Variants in LGALS14 observed in about 807,000 individuals in gnomAD.
LGALS14 encodes the protein placental protein 13-like.
Under a neutral mutation model 14.6 loss-of-function variants are expected in LGALS14, and 14 were observed. The ratio of observed to expected loss-of-function variants is 0.96; its 90% CI spans 0.64 to 1.50. LGALS14 has a LOEUF of 1.50. Ranked by LOEUF, LGALS14 falls within the 40% of genes most tolerant of loss-of-function variation. The probability of loss-of-function intolerance (pLI) is 0.00; values close to 1 mark genes in which losing one functional copy is unlikely to be tolerated. For missense variants in LGALS14, 180 were observed against 172.0 expected, an observed-to-expected ratio of 1.05 and a Z score of -0.26; for synonymous variants, 57 against 63.9, an observed-to-expected ratio of 0.89 and a Z score of 0.51.
At chr19:39,708,526 T>G (rs1247674002) in intron 3 of LGALS14, among the ~76,000 whole-genome samples, 1 of 152,166 alleles carries the variant, frequency 6.6e-6, no homozygotes, top group Non-Finnish European at 1.5e-5. Flanking sequence ...ACTAAGAAGG[T>G]GACTTTCTCT....
At chr19:39,705,167 G>A (rs760317981) in intron 1 of LGALS14, among the ~76,000 whole-genome samples, 74 of 152,302 alleles carry the variant, frequency 4.9e-4, no homozygotes, top group Non-Finnish European at 7.3e-4. Context: ...CTTGGGGATT[G>A]TGAGTTACCA....
chr19:39,704,584 A>G, intron 1 of LGALS14, 41 bp downstream of exon 1: 4 of 1,605,000 alleles, frequency 2.5e-6, no homozygotes, highest in Non-Finnish European at 3.4e-6. Flanking sequence ...CTCAAGTCAC[A>G]TAAACCAAGA....
At chr19:39,706,524 C>T (rs1445931227) in intron 1 of LGALS14, 73 bp from the exon 2 acceptor site, 8 of 1,097,864 alleles carry the variant, frequency 7.3e-6, no homozygotes, top group Admixed American at 5.2e-5. Context: ...ACCTCCTGCA[C>T]CATGGGAATC....
At chr19:39,708,558 T>C (rs1181486152) in intron 3 of LGALS14, among the ~76,000 whole-genome samples, 2 of 152,250 alleles carry the variant, frequency 1.3e-5, no homozygotes, top group East Asian at 3.8e-4. Context: ...ATAAGGAATA[T>C]ATCCATAGTT....
intron 3 of LGALS14, among the ~76,000 whole-genome samples, chr19:39,707,775 T>C (rs560368643): frequency 6.6e-6 from 1 of 152,338 alleles, no homozygotes; most frequent in South Asian, 2.1e-4. Flanking sequence ...AGAACACCAT[T>C]ACTAGAGTTC....
At chr19:39,707,055 A>C in intron 2 of LGALS14, 123 bp from the exon 3 acceptor site, 5 of 731,598 alleles carry the variant, frequency 6.8e-6, no homozygotes, top group Non-Finnish European at 9.7e-6. Context: ...AGGGACCAGG[A>C]CTGCAGTATC....
Position 39,704,506 on chromosome 19 carries a change from GA to G in LGALS14, c.-22del, listed in dbSNP as rs1237781375. On this transcript the variant is annotated 5_prime_UTR_variant, in exon 1 of 4. Coordinates refer to ENST00000392052, the MANE Select transcript of LGALS14 (RefSeq NM_020129.3). ...ACAGAAGACTGGACACAATTCCGAA[GA>G]GCTGCCCAGAAGGAGAGAACAATGT... 6.2e-7 allele frequency: 1 copy of G among 1,613,324 alleles called. No homozygotes were observed. The highest frequency in any genetic ancestry group is 1.3e-5 in the African/African-American group (1 of 75,040).
rs191557228 is a variant in LGALS14, at chr19:39,705,344, G to C, written c.15+801G>C. Among the ~76,000 whole-genome samples the C allele has an allele frequency of 2.0e-5, 3 of 152,286 alleles. No homozygotes were observed. In the East Asian group the frequency reaches 5.8e-4, roughly 29 times the overall value. On this transcript the variant is annotated intron_variant, in intron 1 of 3. Transcript: ENST00000392052. ...GCCTCCCAGGCTCAGCTTCCCTGTC[G>C]CTAGCCCAGCCTGTTCTTCCCATTG...
At chr19:39,705,862 A>T (rs746374526) in intron 1 of LGALS14, 1 of 1,609,122 alleles carries the variant, frequency 6.2e-7, no homozygotes, top group Admixed American at 1.7e-5. Context: ...CAGAAAAATC[A>T]TCAACCACTT....
intron 2 of LGALS14, 66 bp downstream of exon 2, chr19:39,706,739 A>G: frequency 7.5e-7 from 1 of 1,327,736 alleles, no homozygotes; most frequent in Non-Finnish European, 1.1e-6. Context: ...TAAGGGTTTA[A>G]CCTTATGTGT....
intron 1 of LGALS14, 43 bp from the exon 2 acceptor site, chr19:39,706,554 C>A: frequency 6.9e-7 from 1 of 1,451,916 alleles, no homozygotes; most frequent in East Asian, 2.3e-5. Context: ...GGGGAGGTTA[C>A]ACCTTACCCT....
At chr19:39,704,661 T>G in intron 1 of LGALS14, 118 bp downstream of exon 1, 1 of 944,934 alleles carries the variant, frequency 1.1e-6, no homozygotes, top group Non-Finnish European at 1.7e-6. Flanking sequence ...TTACCGAGAG[T>G]TGTGGGTGTG....
intron 1 of LGALS14, among the ~76,000 whole-genome samples, chr19:39,704,992 A>G (rs573159913): frequency 6.6e-6 from 1 of 152,166 alleles, no homozygotes; most frequent in African/African-American, 2.4e-5. Flanking sequence ...CTGTGTGACT[A>G]TGGGTGTGTG....
Position 39,706,633 on chromosome 19 carries a change from T to C in LGALS14, c.52T>C (p.Ser18Pro). 1 of 1,614,046 alleles carries C rather than the reference T, an allele frequency of 6.2e-7. No individual in the cohort carries two copies. The stretch of plus-strand genomic sequence containing the variant: ...ACTGCCTGTTTCCTTGCCTGTTGGT[T>C]CGTGCGTGATAATCACAGGGACACC... Reference protein sequence around the residue: ...YTLPVSLPVGSCVIITGTPIL... With the variant: ...YTLPVSLPVGPCVIITGTPIL... Residue 18 changes from serine (S) to proline (P), a missense_variant, in exon 2 of 4, where the codon TCG becomes CCG. Coordinates refer to ENST00000392052, the MANE Select transcript of LGALS14 (RefSeq NM_020129.3).
rs73557870 is a variant in LGALS14, at chr19:39,706,408, G to C, written c.16-189G>C. On this transcript the variant is annotated intron_variant, in intron 1 of 3. Coordinates refer to ENST00000392052, the MANE Select transcript of LGALS14 (RefSeq NM_020129.3). ...CTGGAATCCAGGCATCCGGGCTCTTGAACAATTGCTCTTACCTATGGATCC... is the reference window on the plus strand; with the variant it reads ...CTGGAATCCAGGCATCCGGGCTCTTCAACAATTGCTCTTACCTATGGATCC... 9.5e-3 allele frequency among the ~76,000 whole-genome samples: 1,448 copies of C among 152,262 alleles called. 25 individuals carry two copies. Among genetic ancestry groups the C allele is most frequent in the African/African-American group, 0.032 (1,332 of 41,548 alleles).
In LGALS14 at chr19:39,707,223, G is replaced by A. The variant is rs1398510789; in HGVS notation, c.138G>A (p.Glu46=). Residue 46 remains glutamate, a synonymous_variant, in exon 3 of 4, where the codon GAG becomes GAA. Coordinates refer to ENST00000392052, the MANE Select transcript of LGALS14 (RefSeq NM_020129.3). The part of the protein sequence containing the change: ...LEVNFYTGMD[E]DSDIAFQFRL... ...TGAATTTCTACACTGGGATGGATGA[G>A]GACTCAGATATTGCTTTCCAATTCC... The A allele has an allele frequency of 8.7e-6, 14 of 1,613,964 alleles. No homozygotes were observed. The highest frequency in any genetic ancestry group is 2.7e-5 in the African/African-American group (2 of 74,916).
In LGALS14 at chr19:39,707,217, G is replaced by A. The variant is rs2144897732; in HGVS notation, c.132G>A (p.Met44Ile). The A allele has an allele frequency of 6.2e-7, 1 of 1,614,110 alleles. No individual in the cohort carries two copies. The highest frequency in any genetic ancestry group is 8.5e-7 in the Non-Finnish European group (1 of 1,179,958). Residue 44 changes from methionine to isoleucine, a missense_variant, in exon 3 of 4, where the codon ATG becomes ATA. Met to Ile is a conservative substitution (Grantham distance 10). Coordinates refer to ENST00000392052, the MANE Select transcript of LGALS14 (RefSeq NM_020129.3). ...TGGAGGTGAATTTCTACACTGGGAT[G>A]GATGAGGACTCAGATATTGCTTTCC... Reference protein sequence around the residue: ...PQLEVNFYTGMDEDSDIAFQF... With the variant: ...PQLEVNFYTGIDEDSDIAFQF...
At chr19:39,705,344 G>A (rs191557228) in intron 1 of LGALS14, among the ~76,000 whole-genome samples, 3 of 152,168 alleles carry the variant, frequency 2.0e-5, no homozygotes, top group African/African-American at 4.8e-5. Context: ...CTTCCCTGTC[G>A]CTAGCCCAGC....
Position 39,709,359 on chromosome 19 carries a change from C to A in LGALS14, c.*46C>A. On this transcript the variant is annotated 3_prime_UTR_variant, in exon 4 of 4. Transcript: ENST00000392052. Reference sequence around the variant, plus strand: ...ATTGTTGAGGAATCCCTCTTTCTACCTGACCATGGGATTCCCAGAGCCTAC... The same window carrying A: ...ATTGTTGAGGAATCCCTCTTTCTACATGACCATGGGATTCCCAGAGCCTAC... 1 of 1,096,452 alleles carries A rather than the reference C, an allele frequency of 9.1e-7. No individual in the cohort carries two copies. Among genetic ancestry groups the A allele is most frequent in the Non-Finnish European group, 1.4e-6 (1 of 710,694 alleles). 67.9% of individuals were successfully genotyped at this position (1,096,452 alleles called of 1,614,324 possible). A position where few individuals can be genotyped will look rare whatever the true frequency, so the allele number is the denominator to read the frequency against.
Sources: gnomAD v4.1 joint callset for allele counts (sites outside exome capture counted in the v4.1 genomes callset) on GRCh38, gnomAD v4.1.1 for gene constraint, MANE v1.5 for transcripts, NCBI Gene and HGNC (gene_info 2026-07-23, HGNC 2026-07-21) for gene names.